The following CFAP410 variants were observed in gnomAD, a reference collection of about 807,000 sequenced individuals.
CFAP410 encodes the protein cilia and flagella associated protein 410, also known as cilia- and flagella-associated protein 410.
CFAP410 carries 27 observed loss-of-function variants against 25.7 expected under a neutral mutation model. The ratio of observed to expected loss-of-function variants is 1.05; its 90% CI spans 0.77 to 1.45. CFAP410 has a LOEUF of 1.45. CFAP410 is among the 40% of genes most tolerant of loss of function. CFAP410 has a pLI of 0.00. For synonymous variants in CFAP410, 178 were observed against 158.4 expected, an observed-to-expected ratio of 1.12 and a Z score of -0.93; for missense variants, 428 against 354.1, an observed-to-expected ratio of 1.21 and a Z score of -1.67.
rs373517822 is a variant in CFAP410 at position 44,335,929 on chromosome 21, T to C, written c.97-125A>G. ...CTTCCGGGGCCTGAGGGGCACGGCC[T>C]TACTCAGCCAGTGTGCCCAGGGTGA... On this transcript the variant is annotated intron_variant, in intron 2 of 6. Transcript: ENST00000339818. 242 of 713,310 alleles carry C rather than the reference T, an allele frequency of 3.4e-4. 1 individual carries two copies. The African/African-American group carries it at 3.7e-3, about 11-fold the overall frequency. The allele number at this position is 713,310 out of a possible 1,614,324, so 44.2% of individuals were successfully genotyped here. A position where few individuals can be genotyped will look rare whatever the true frequency, so the allele number is the denominator to read the frequency against.
rs1394922476 is a variant in CFAP410, at chr21:44,335,792, G to A, written c.109C>T (p.Gln37Ter). The change falls in exon 3 of 7, where the codon CAG (glutamine) becomes TAG (stop). Residue 37 changes from glutamine (Q) to a stop codon, truncating the protein, a stop_gained. Coordinates refer to ENST00000339818, the MANE Select transcript of CFAP410 (RefSeq NM_004928.3). LOFTEE classifies it high-confidence loss of function. ...GSRLTDISIC[Q>*]EMPSLEVITL... The stretch of plus-strand genomic sequence containing the variant: ...ATCACCTCCAGGCTGGGCATCTCCT[G>A]GCAAATGGAGATCTAGGAGGAAAAG... The A allele has an allele frequency of 6.3e-7, 1 of 1,591,282 alleles. No homozygotes were observed. The highest frequency in any genetic ancestry group is 1.1e-5 in the South Asian group (1 of 87,708).
chr21:44,330,502 T>C, intron 6 of CFAP410, 176 bp from the exon 7 acceptor site: 7 of 1,544,960 alleles, frequency 4.5e-6, no homozygotes, highest in Non-Finnish European at 6.1e-6. Context: ...GCCCCGCCTG[T>C]GGACGCGTGT....
At position 44,330,010 on chromosome 21, in the gene CFAP410, A is replaced by G; in HGVS notation, c.*188T>C. On this transcript the variant is annotated 3_prime_UTR_variant, in exon 7 of 7. Transcript: ENST00000339818. Reference sequence around the variant, plus strand: ...AGTCCTGGGGACAGGACTGGTGTAGACAGGCATCTCCACCGCCCCGGTTAG... The same window carrying G: ...AGTCCTGGGGACAGGACTGGTGTAGGCAGGCATCTCCACCGCCCCGGTTAG... 3.2e-6 allele frequency: 2 copies of G among 625,932 alleles called. No homozygotes were observed. The highest frequency in any genetic ancestry group is 2.8e-5 in the East Asian group (1 of 35,782). The allele number at this position is 625,932 out of a possible 1,614,324, so 38.8% of individuals were successfully genotyped here.
intron 3 of CFAP410, chr21:44,334,142 C>T (rs1402076417): frequency 1.1e-5 from 5 of 456,214 alleles, no homozygotes; most frequent in Admixed American, 7.0e-5. Context: ...GTACCGACCG[C>T]GTCCGCGGCC....
intron 3 of CFAP410, 43 bp from the exon 4 acceptor site, chr21:44,333,305 C>A (rs1450040386): frequency 6.7e-7 from 1 of 1,484,956 alleles, no homozygotes; most frequent in Non-Finnish European, 9.2e-7. Flanking sequence ...GTGGCCAGGG[C>A]CCCCAGGGCC....
At chr21:44,337,473 T>C (rs2047776877) in intron 2 of CFAP410, among the ~76,000 whole-genome samples, 176 bp downstream of exon 2, 1 of 152,254 alleles carries the variant, frequency 6.6e-6, no homozygotes, top group Non-Finnish European at 1.5e-5. Context: ...TGTTTTTCCA[T>C]TAGTGGTTCT....
chr21:44,331,737 C>T, intron 5 of CFAP410, 106 bp downstream of exon 5: 3 of 1,088,860 alleles, frequency 2.8e-6, no homozygotes, highest in East Asian at 2.6e-5. Context: ...ATCCCTGTCC[C>T]TCACTTCCCA....
At chr21:44,330,766 T>TGTGCAGTGG (rs775656734) in intron 6 of CFAP410, 57 bp downstream of exon 6, 6 of 1,551,056 alleles carry the variant, frequency 3.9e-6, no homozygotes, top group African/African-American at 2.8e-5. Flanking sequence ...CCACGGTTTC[T>TGTGCAGTGG]GTGCAGTGGG....
intron 5 of CFAP410, 119 bp from the exon 6 acceptor site, chr21:44,331,038 G>A: frequency 1.1e-6 from 1 of 906,592 alleles, no homozygotes; most frequent in Non-Finnish European, 1.6e-6. Flanking sequence ...ATCCCACCTG[G>A]CACACGGGGG....
At chr21:44,331,291 T>C (rs2047643756) in intron 5 of CFAP410, 1 of 316,150 alleles carries the variant, frequency 3.2e-6, no homozygotes, top group Non-Finnish European at 5.9e-6. Flanking sequence ...AGAGATCACA[T>C]CCCGATGCCC....
At chr21:44,337,555 T>C (rs2047778822) in intron 2 of CFAP410, 94 bp downstream of exon 2, 3 of 1,195,134 alleles carry the variant, frequency 2.5e-6, no homozygotes, top group Non-Finnish European at 3.7e-6. Flanking sequence ...TTTTGTCAAC[T>C]TAAAAATTCT....
At chr21:44,331,660 A>G (rs776882336) in intron 5 of CFAP410, 183 bp downstream of exon 5, 1 of 602,540 alleles carries the variant, frequency 1.7e-6, no homozygotes, top group Non-Finnish European at 2.8e-6. Context: ...CCTGCCACTG[A>G]AATCACTACC....
intron 4 of CFAP410, 51 bp downstream of exon 4, chr21:44,332,982 C>G (rs1240860734): frequency 8.0e-7 from 1 of 1,250,034 alleles, no homozygotes. Context: ...GGGGACATCC[C>G]CTTCCAGGGA....
intron 2 of CFAP410, among the ~76,000 whole-genome samples, chr21:44,337,134 T>A (rs542870737): frequency 2.8e-4 from 42 of 150,798 alleles, no homozygotes; most frequent in Non-Finnish European, 4.9e-4. Context: ...CCTGTGTAAG[T>A]TGGGGACATT....
chr21:44,335,807 A>G lies in CFAP410; in HGVS notation c.97-3T>C. On this transcript the variant is annotated splice_region_variant and splice_polypyrimidine_tract_variant and intron_variant, in intron 2 of 6. Transcript: ENST00000339818. ...GGCATCTCCTGGCAAATGGAGATCTAGGAGGAAAAGAACATGACTAGCAAG... is the reference window on the plus strand; with the variant it reads ...GGCATCTCCTGGCAAATGGAGATCTGGGAGGAAAAGAACATGACTAGCAAG... 1 of 1,585,888 alleles carries G rather than the reference A, an allele frequency of 6.3e-7. No homozygotes were observed. Among genetic ancestry groups the G allele is most frequent in the Non-Finnish European group, 8.6e-7 (1 of 1,164,384 alleles).
intron 3 of CFAP410, chr21:44,333,960 T>A: frequency 2.6e-6 from 1 of 382,278 alleles, no homozygotes; most frequent in East Asian, 7.3e-5. Context: ...CAGGCCCCCA[T>A]GGGCAGCCTG....
At chr21:44,330,946 G>C in intron 5 of CFAP410, 27 bp from the exon 6 acceptor site, 3 of 1,547,418 alleles carry the variant, frequency 1.9e-6, no homozygotes, top group Non-Finnish European at 2.6e-6. Context: ...GGCGTGTGAG[G>C]GTCAGGGGGC....
chr21:44,334,526 C>CA (rs1354799832), intron 3 of CFAP410: 2 of 27,316 alleles, frequency 7.3e-5, no homozygotes, highest in Non-Finnish European at 7.4e-5. Flanking sequence ...CACCCCCCCC[C>CA]CCCCCCCGCT....
At position 44,339,253 on chromosome 21, in the gene CFAP410, C is replaced by A; in HGVS notation, c.-59G>T. On this transcript the variant is annotated 5_prime_UTR_variant, in exon 1 of 7. Transcript: ENST00000339818. ...CGGCCTCCTGATCCCGGGCGGGTGA[C>A]GACTGCGCGGCGCGTGTCTCCAGGG... 8.7e-7 allele frequency: 1 copy of A among 1,143,518 alleles called. No individual in the cohort carries two copies. Among genetic ancestry groups the A allele is most frequent in the Non-Finnish European group, 1.2e-6 (1 of 854,228 alleles). The allele number at this position is 1,143,518 out of a possible 1,614,324, so 70.8% of individuals were successfully genotyped here. A position where few individuals can be genotyped will look rare whatever the true frequency, so the allele number is the denominator to read the frequency against.
Sources: allele counts gnomAD v4.1 joint callset (sites outside exome capture counted in the v4.1 genomes callset), GRCh38; gene constraint gnomAD v4.1.1; transcripts MANE v1.5; gene names NCBI Gene and HGNC (gene_info 2026-07-23, HGNC 2026-07-21).